NXPE2: variants seen among roughly 807,000 people sequenced by gnomAD.
The protein encoded by NXPE2 is neurexophilin and PC-esterase domain family member 2, also known as NXPE family member 2.
In NXPE2, 34 loss-of-function variants were observed where a neutral mutation model predicts 34.4. The ratio of observed to expected loss-of-function variants is 0.99; its 90% CI spans 0.75 to 1.31. The LOEUF is 1.31. Among genes scored for constraint, NXPE2 ranks in the 40% most tolerant of loss-of-function variants. The pLI, the probability that NXPE2 is intolerant of heterozygous loss-of-function variation, is 0.00. For missense variants in NXPE2, 649 were observed against 672.5 expected (o/e 0.97, Z 0.39); for synonymous variants, 235 against 231.3 (o/e 1.02, Z -0.15).
At chr11:114,570,343 G>T in the NXPE2 span, among the ~76,000 whole-genome samples, 1 of 152,172 alleles carries the variant, frequency 6.6e-6, no homozygotes, top group African/African-American at 2.4e-5. Flanking sequence ...CAAACTTCCT[G>T]AATTCTAGTG....
At chr11:114,683,683 G>A (rs11603371) in intron 2 of NXPE2, among the ~76,000 whole-genome samples, 4,663 of 152,112 alleles carry the variant, frequency 0.031, 211 homozygotes, top group South Asian at 0.046. Flanking sequence ...CCTCCCAAGA[G>A]TCAAAGATTT....
the NXPE2 span, among the ~76,000 whole-genome samples, chr11:114,472,821 T>C: frequency 6.6e-6 from 1 of 152,336 alleles, no homozygotes; most frequent in Non-Finnish European, 1.5e-5. Flanking sequence ...TGTCTTCTCA[T>C]GGCAAACATA....
At chr11:114,560,864 G>A in the NXPE2 span, among the ~76,000 whole-genome samples, 1 of 152,152 alleles carries the variant, frequency 6.6e-6, no homozygotes, top group African/African-American at 2.4e-5. Flanking sequence ...TCACATAGCT[G>A]CAATCATACA....
At chr11:114,644,314 G>A in the NXPE2 span, among the ~76,000 whole-genome samples, 1 of 152,168 alleles carries the variant, frequency 6.6e-6, no homozygotes, top group African/African-American at 2.4e-5. Flanking sequence ...GGTAAGAGAG[G>A]ACATCCTTGT....
the NXPE2 span, among the ~76,000 whole-genome samples, chr11:114,465,041 C>T: frequency 1.3e-5 from 2 of 152,064 alleles, no homozygotes; most frequent in Admixed American, 1.3e-4. Flanking sequence ...TGTGATCATA[C>T]CTGGGGTTAA....
At chr11:114,467,027 A>G in the NXPE2 span, among the ~76,000 whole-genome samples, 59 of 152,224 alleles carry the variant, frequency 3.9e-4, no homozygotes, top group Non-Finnish European at 4.4e-5. Flanking sequence ...CCTTTATGAT[A>G]CAGTAGTGAT....
At chr11:114,485,231 C>A in the NXPE2 span, among the ~76,000 whole-genome samples, 1 of 151,896 alleles carries the variant, frequency 6.6e-6, no homozygotes, top group Non-Finnish European at 1.5e-5. Context: ...TTTTTTGAGA[C>A]AGTCTCTTAC....
chr11:114,807,831 C>A, the NXPE2 span, among the ~76,000 whole-genome samples: 7 of 152,188 alleles, frequency 4.6e-5, no homozygotes, highest in Non-Finnish European at 7.4e-5. Flanking sequence ...CTCAGCTCTG[C>A]ACCAAGCAGA....
At chr11:114,636,460 C>T in the NXPE2 span, among the ~76,000 whole-genome samples, 3 of 151,960 alleles carry the variant, frequency 2.0e-5, no homozygotes, top group Non-Finnish European at 4.4e-5. Context: ...GTCTCTATTT[C>T]CTTCAGTTCT....
the NXPE2 span, chr11:114,582,545 G>T: frequency 1.0e-4 from 162 of 1,614,186 alleles, 3 homozygotes; most frequent in East Asian, 8.9e-4. Flanking sequence ...TTGCACTCCA[G>T]AGAGCTGACA....
chr11:114,486,601 T>C, the NXPE2 span, among the ~76,000 whole-genome samples: 1 of 152,124 alleles, frequency 6.6e-6, no homozygotes. Flanking sequence ...GTTTCCCCAA[T>C]GTTTTCTTCT....
chr11:114,542,496 AAT>A, the NXPE2 span, among the ~76,000 whole-genome samples: 1 of 152,192 alleles, frequency 6.6e-6, no homozygotes, highest in Non-Finnish European at 1.5e-5. Flanking sequence ...GCTTACAAGG[AAT>A]AGAGAATAGT....
chr11:114,580,035 T>G, the NXPE2 span: 1 of 1,084,004 alleles, frequency 9.2e-7, no homozygotes, highest in African/African-American at 1.6e-5. Flanking sequence ...TTGAAGAATA[T>G]GAAAAAAAGA....
At chr11:114,560,823 C>T in the NXPE2 span, among the ~76,000 whole-genome samples, 247 of 152,304 alleles carry the variant, frequency 1.6e-3, no homozygotes, top group African/African-American at 5.4e-3. Flanking sequence ...GGTTTTCTTA[C>T]TGTCTCCATG....
chr11:114,788,860 CGATTGTCATCTCCTTG>C, the NXPE2 span, among the ~76,000 whole-genome samples: 8 of 152,176 alleles, frequency 5.3e-5, no homozygotes, highest in African/African-American at 1.7e-4. Flanking sequence ...TCACTTCCTT[CGATTGTCATCTCCTTG>C]AGGGCAGGGA....
the NXPE2 span, among the ~76,000 whole-genome samples, chr11:114,590,161 A>G: frequency 0.014 from 2,192 of 152,278 alleles, 40 homozygotes; most frequent in African/African-American, 0.05. Context: ...TCCCATCCTC[A>G]GGTCAGGGTC....
the NXPE2 span, among the ~76,000 whole-genome samples, chr11:114,724,989 G>A: frequency 6.8e-6 from 1 of 147,760 alleles, no homozygotes; most frequent in African/African-American, 2.5e-5. Flanking sequence ...TTGAGACTCT[G>A]TACTGTGCTT....
chr11:114,659,996 T>A, the NXPE2 span, among the ~76,000 whole-genome samples: 1 of 152,088 alleles, frequency 6.6e-6, no homozygotes, highest in African/African-American at 2.4e-5. Context: ...GACATTAGAC[T>A]GATAAGGGAA....
chr11:114,492,901 T>C, the NXPE2 span, among the ~76,000 whole-genome samples: 1 of 152,178 alleles, frequency 6.6e-6, no homozygotes, highest in Non-Finnish European at 1.5e-5. Context: ...GAAATTGGGG[T>C]GTTAAATTTT....
Sources: gnomAD v4.1 joint callset for allele counts (sites outside exome capture counted in the v4.1 genomes callset) on GRCh38, gnomAD v4.1.1 for gene constraint, MANE v1.5 for transcripts, NCBI Gene and HGNC (gene_info 2026-07-23, HGNC 2026-07-21) for gene names.